The following KIRREL3 variants were observed in gnomAD, a reference collection of about 807,000 sequenced individuals.
The protein encoded by KIRREL3 is kirre like nephrin family adhesion molecule 3.
KIRREL3 carries 36 observed loss-of-function variants against 89.7 expected under a neutral mutation model. The observed-to-expected ratio is 0.40, with a 90% CI of 0.31 to 0.53. The LOEUF (loss-of-function observed/expected upper bound fraction) is 0.53. Among genes scored for constraint, KIRREL3 ranks in the 20% least tolerant of loss-of-function variants. The pLI is 0.49. For synonymous variants in KIRREL3, 445 were observed against 441.4 expected, an observed-to-expected ratio of 1.01 and a Z score of -0.10; for missense variants, 864 against 1,056.6, an observed-to-expected ratio of 0.82 and a Z score of 2.53.
In KIRREL3 at chr11:126,463,563, A is replaced by T. The variant is rs572362800; in HGVS notation, c.592-256T>A. Among the ~76,000 whole-genome samples, 8 of 152,350 alleles carry T rather than the reference A, an allele frequency of 5.3e-5. No homozygotes were observed. In the South Asian group the frequency reaches 1.0e-3, roughly 20 times the overall value. ...TTCCACCATGTGAAAATTAGCCTGG[A>T]TTCACATGCTAAAAGCACAAAAGAA... On this transcript the variant is annotated intron_variant, in intron 5 of 16. Transcript: ENST00000525144. The surrounding 1 kb of genome is among the most constrained non-coding windows in gnomAD (Gnocchi z 5.9).
rs1200510305 is a variant in KIRREL3, at chr11:126,994,256, G to T, written c.55+6199C>A. 1.3e-5 allele frequency among the ~76,000 whole-genome samples: 2 copies of T among 152,126 alleles called. No homozygotes were observed. The highest frequency in any genetic ancestry group is 2.9e-5 in the Non-Finnish European group (2 of 68,012). The stretch of plus-strand genomic sequence containing the variant: ...GGAGGGCGTGGGAAGGCTTCCAGAT[G>T]CCAGGAAAAACCTGTCCAGGGGATG... On this transcript the variant is annotated intron_variant, in intron 1 of 16. Coordinates refer to ENST00000525144, the MANE Select transcript of KIRREL3 (RefSeq NM_032531.4). This position sits in a 1 kb window ranked among gnomAD's most constrained non-coding sequence, Gnocchi z 5.2.
intron 1 of KIRREL3, among the ~76,000 whole-genome samples, chr11:126,672,242 G>T (rs958944612): frequency 3.3e-5 from 5 of 152,100 alleles, no homozygotes; most frequent in African/African-American, 1.2e-4. Context: ...TGGCTCAGTT[G>T]GACTTGATTA....
Position 126,578,782 on chromosome 11 carries a change from G to C in KIRREL3, c.56-15870C>G, listed in dbSNP as rs1941389807. Among the ~76,000 whole-genome samples the C allele has an allele frequency of 6.6e-6, 1 of 152,148 alleles. No individual in the cohort carries two copies. Among genetic ancestry groups the C allele is most frequent in the Non-Finnish European group, 1.5e-5 (1 of 68,038 alleles). The stretch of plus-strand genomic sequence containing the variant: ...TCTCAATGACTGTCCCCTGTCCCTG[G>C]AGATGTAAAAGTTCCAGGCTCTCCT... On this transcript the variant is annotated intron_variant, in intron 1 of 16. Transcript: ENST00000525144. This position sits in a 1 kb window ranked among gnomAD's most constrained non-coding sequence, Gnocchi z 4.9.
chr11:126,859,648 T>G (rs551928878), intron 1 of KIRREL3, among the ~76,000 whole-genome samples: 1 of 152,294 alleles, frequency 6.6e-6, no homozygotes, highest in African/African-American at 2.4e-5. Context: ...ATACATAAAT[T>G]GAATTGACAT....
chr11:126,879,620 T>G lies in KIRREL3; in HGVS notation c.55+120835A>C, dbSNP rs1466253726. 6.6e-6 allele frequency among the ~76,000 whole-genome samples: 1 copy of G among 152,230 alleles called. No homozygotes were observed. Among genetic ancestry groups the G allele is most frequent in the Non-Finnish European group, 1.5e-5 (1 of 68,046 alleles). On this transcript the variant is annotated intron_variant, in intron 1 of 16. Transcript: ENST00000525144. The surrounding 1 kb of genome is among the most constrained non-coding windows in gnomAD (Gnocchi z 5.4). ...ATCTCTTCCATTTCTCCCATTTCTC[T>G]CACCTCCAAGCCACTTTCCATGTAG...
At chr11:126,838,630 G>T (rs1163889515) in intron 1 of KIRREL3, among the ~76,000 whole-genome samples, 1 of 152,120 alleles carries the variant, frequency 6.6e-6, no homozygotes, top group Non-Finnish European at 1.5e-5. Flanking sequence ...TGAGTTCAAG[G>T]GCTAACAATA....
chr11:126,702,285 C>A (rs1053105311), intron 1 of KIRREL3, among the ~76,000 whole-genome samples: 1 of 152,158 alleles, frequency 6.6e-6, no homozygotes, highest in Admixed American at 6.5e-5. Context: ...AGGTATATTA[C>A]AAGGTTGTAC....
rs1010056193 is a variant in KIRREL3, at chr11:126,910,112, T to C, written c.55+90343A>G. Among the ~76,000 whole-genome samples the C allele has an allele frequency of 2.0e-5, 3 of 152,260 alleles. No individual in the cohort carries two copies. The East Asian group carries it at 5.8e-4, about 29-fold the overall frequency. On this transcript the variant is annotated intron_variant, in intron 1 of 16. Transcript: ENST00000525144. The stretch of plus-strand genomic sequence containing the variant: ...GTCCATCACCAGCTATTTTTTTCTT[T>C]ACAGTGTTTTGATTCTCTTGGACTA...
chr11:126,986,061 T>A (rs1025979404), intron 1 of KIRREL3, among the ~76,000 whole-genome samples: 5 of 152,062 alleles, frequency 3.3e-5, no homozygotes, highest in African/African-American at 1.2e-4. Context: ...TCCTCTACCA[T>A]CACTACAGTA....
At position 126,551,457 on chromosome 11, in the gene KIRREL3, C is replaced by A. The variant is rs1199869332; in HGVS notation, c.133+11378G>T. Among the ~76,000 whole-genome samples the A allele has an allele frequency of 3.3e-5, 5 of 152,230 alleles. No individual in the cohort carries two copies. The highest frequency in any genetic ancestry group is 1.9e-4 in the East Asian group (1 of 5,172). ...GCTATGGGAGTTATGAGCCGGGAAC[C>A]GTGGATGAAATCCCCCCACCCCATG... On this transcript the variant is annotated intron_variant, in intron 2 of 16. Transcript: ENST00000525144. This position sits in a 1 kb window ranked among gnomAD's most constrained non-coding sequence, Gnocchi z 4.9.
intron 1 of KIRREL3, among the ~76,000 whole-genome samples, chr11:126,567,252 G>A (rs1178757742): frequency 1.3e-5 from 2 of 152,316 alleles, no homozygotes; most frequent in South Asian, 2.1e-4. Flanking sequence ...CCTTTATCCT[G>A]TGACTGGTGT....
intron 1 of KIRREL3, among the ~76,000 whole-genome samples, chr11:126,862,267 T>A (rs1479284764): frequency 1.3e-5 from 2 of 152,196 alleles, no homozygotes; most frequent in African/African-American, 4.8e-5. Flanking sequence ...TTAACCCACA[T>A]CCACCCAAAT....
chr11:126,809,017 G>GA (rs1167668095), intron 1 of KIRREL3, among the ~76,000 whole-genome samples: 3 of 151,608 alleles, frequency 2.0e-5, no homozygotes, highest in South Asian at 2.1e-4. Flanking sequence ...TTTGCCTTAG[G>GA]AAAAAAAACA....
At position 126,486,977 on chromosome 11, in the gene KIRREL3, C is replaced by T. The variant is rs140391817; in HGVS notation, c.434-13511G>A. Among the ~76,000 whole-genome samples, 213 of 152,246 alleles carry T rather than the reference C, an allele frequency of 1.4e-3. No homozygotes were observed. The highest frequency in any genetic ancestry group is 2.4e-3 in the Non-Finnish European group (161 of 68,018). Reference sequence around the variant, plus strand: ...CCATCCGGTAAATCCACCTCCTCAACGAGCCTCATAGTTTCAGTAAGGACG... The same window carrying T: ...CCATCCGGTAAATCCACCTCCTCAATGAGCCTCATAGTTTCAGTAAGGACG... On this transcript the variant is annotated intron_variant, in intron 4 of 16. Transcript: ENST00000525144. This position sits in a 1 kb window ranked among gnomAD's most constrained non-coding sequence, Gnocchi z 6.2.
At position 126,830,028 on chromosome 11, in the gene KIRREL3, G is replaced by C. The variant is rs1414373145; in HGVS notation, c.55+170427C>G. Among the ~76,000 whole-genome samples the C allele has an allele frequency of 1.3e-5, 2 of 152,142 alleles. No homozygotes were observed. The highest frequency in any genetic ancestry group is 3.4e-3 in the Middle Eastern group (1 of 294). Reference sequence around the variant, plus strand: ...TTTTCTTCCAGACTAAACCTTTCAAGGTACAAAAATAAATCCAAGAGTATG... The same window carrying C: ...TTTTCTTCCAGACTAAACCTTTCAACGTACAAAAATAAATCCAAGAGTATG... On this transcript the variant is annotated intron_variant, in intron 1 of 16. Coordinates refer to ENST00000525144, the MANE Select transcript of KIRREL3 (RefSeq NM_032531.4). The surrounding 1 kb of genome is among the most constrained non-coding windows in gnomAD (Gnocchi z 4.9).
At chr11:126,650,035 G>C (rs1944848558) in intron 1 of KIRREL3, among the ~76,000 whole-genome samples, 1 of 152,230 alleles carries the variant, frequency 6.6e-6, no homozygotes, top group Non-Finnish European at 1.5e-5. Flanking sequence ...AGCTGCCAAG[G>C]CTTGGGGCTT....
At chr11:126,857,684 T>C (rs1256539043) in intron 1 of KIRREL3, among the ~76,000 whole-genome samples, 5 of 151,346 alleles carry the variant, frequency 3.3e-5, no homozygotes, top group Admixed American at 1.3e-4. Flanking sequence ...ACTTAGGTCT[T>C]CCAGACCTCA....
At chr11:126,923,306 C>G (rs1241426175) in intron 1 of KIRREL3, among the ~76,000 whole-genome samples, 4 of 133,070 alleles carry the variant, frequency 3.0e-5, no homozygotes, top group African/African-American at 1.2e-4. Flanking sequence ...TCTTCCTTCT[C>G]CTTCTCCTTC....
At chr11:126,749,186 G>T (rs1949252470) in intron 1 of KIRREL3, among the ~76,000 whole-genome samples, 1 of 152,284 alleles carries the variant, frequency 6.6e-6, no homozygotes, top group South Asian at 2.1e-4. Flanking sequence ...AGTCAGTGAT[G>T]AATTCCCTCC....
Sources: allele counts gnomAD v4.1 joint callset (sites outside exome capture counted in the v4.1 genomes callset), GRCh38; gene constraint gnomAD v4.1.1; non-coding constraint Gnocchi (gnomAD v3.1); transcripts MANE v1.5; gene names NCBI Gene and HGNC (gene_info 2026-07-23, HGNC 2026-07-21).